The following STK32A variants were observed in gnomAD, a reference collection of about 807,000 sequenced individuals.
STK32A encodes the protein serine/threonine-protein kinase 32A.
STK32A carries 41 observed loss-of-function variants against 53.2 expected under a neutral mutation model. The observed-to-expected ratio is 0.77, with a 90% CI of 0.60 to 1.00. STK32A has a LOEUF of 1.00. STK32A is among the 50% of genes least tolerant of loss of function. The pLI is 0.00. For missense variants in STK32A, 458 were observed against 485.8 expected (o/e 0.94, Z 0.54); for synonymous variants, 166 against 162.8 (o/e 1.02, Z -0.15).
At chr5:147,277,447 G>A (rs1344775267) in intron 2 of STK32A, among the ~76,000 whole-genome samples, 3 of 152,082 alleles carry the variant, frequency 2.0e-5, no homozygotes, top group East Asian at 3.9e-4. Context: ...GTGGAGGATC[G>A]ACTCTACTTC....
At chr5:147,394,402 C>T in the STK32A span, among the ~76,000 whole-genome samples, 10 of 152,118 alleles carry the variant, frequency 6.6e-5, no homozygotes, top group East Asian at 1.9e-4. Flanking sequence ...ATGACAAAGA[C>T]GTGACACTCA....
intron 4 of STK32A, among the ~76,000 whole-genome samples, chr5:147,297,595 A>G (rs1752926276): frequency 6.6e-6 from 1 of 152,154 alleles, no homozygotes; most frequent in African/African-American, 2.4e-5. Flanking sequence ...CTGTTTAGCT[A>G]ATTTCCTGCA....
chr5:147,317,672 T>C (rs1441578171), intron 4 of STK32A, among the ~76,000 whole-genome samples: 1 of 152,106 alleles, frequency 6.6e-6, no homozygotes, highest in Non-Finnish European at 1.5e-5. Context: ...AAAAGAATAA[T>C]AGTTGGTCAA....
chr5:147,370,068 A>C (rs937149503), intron 8 of STK32A, among the ~76,000 whole-genome samples: 6 of 152,128 alleles, frequency 3.9e-5, no homozygotes, highest in Non-Finnish European at 8.8e-5. Context: ...TTCTTCCCCC[A>C]AAATTTTTTT....
intron 2 of STK32A, among the ~76,000 whole-genome samples, chr5:147,257,146 A>T (rs1298452943): frequency 6.6e-6 from 1 of 150,982 alleles, no homozygotes; most frequent in Admixed American, 6.6e-5. Flanking sequence ...AAATGAGTGT[A>T]TGGTTTTAGT....
At chr5:147,374,915 G>A (rs1437434451) in intron 10 of STK32A, among the ~76,000 whole-genome samples, 175 bp from the exon 11 acceptor site, 2 of 152,112 alleles carry the variant, frequency 1.3e-5, no homozygotes, top group Non-Finnish European at 2.9e-5. Flanking sequence ...AAAAATAAAC[G>A]AAGAATATGA....
intron 2 of STK32A, among the ~76,000 whole-genome samples, chr5:147,251,572 A>C (rs1339573323): frequency 6.6e-6 from 1 of 152,240 alleles, no homozygotes; most frequent in Admixed American, 6.5e-5. Flanking sequence ...ATGGCCAACC[A>C]GAATGCATAT....
At chr5:147,259,828 T>C (rs986830714) in intron 2 of STK32A, among the ~76,000 whole-genome samples, 2 of 129,424 alleles carry the variant, frequency 1.5e-5, no homozygotes, top group Admixed American at 1.6e-4. Flanking sequence ...CTCTCTCTTG[T>C]TTCTCTCTCC....
At chr5:147,360,615 G>T (rs1332087355) in intron 7 of STK32A, among the ~76,000 whole-genome samples, 1 of 152,188 alleles carries the variant, frequency 6.6e-6, no homozygotes, top group African/African-American at 2.4e-5. Flanking sequence ...AACCCAGAGA[G>T]CACAGCTCCA....
At chr5:147,246,021 A>T (rs966204165) in intron 2 of STK32A, among the ~76,000 whole-genome samples, 1 of 152,190 alleles carries the variant, frequency 6.6e-6, no homozygotes, top group Non-Finnish European at 1.5e-5. Flanking sequence ...TTGACTGTCT[A>T]TCATGGTCTA....
chr5:147,314,050 T>A (rs564665436), intron 4 of STK32A, among the ~76,000 whole-genome samples: 37 of 147,352 alleles, frequency 2.5e-4, no homozygotes, highest in Admixed American at 2.7e-4. Flanking sequence ...GAACAAGTAC[T>A]AAAAAAAAAA....
At chr5:147,315,613 T>G (rs1194645188) in intron 4 of STK32A, among the ~76,000 whole-genome samples, 1 of 152,216 alleles carries the variant, frequency 6.6e-6, no homozygotes, top group African/African-American at 2.4e-5. Flanking sequence ...ATAGAGTTTC[T>G]GTTAGCAATG....
chr5:147,320,067 A>G (rs1400816305), intron 4 of STK32A, among the ~76,000 whole-genome samples: 2 of 152,210 alleles, frequency 1.3e-5, no homozygotes, highest in Non-Finnish European at 2.9e-5. Flanking sequence ...ACCTTATGTT[A>G]ATAGCATTTA....
intron 4 of STK32A, among the ~76,000 whole-genome samples, chr5:147,313,229 C>A (rs763773649): frequency 6.6e-6 from 1 of 151,890 alleles, no homozygotes; most frequent in East Asian, 1.9e-4. Flanking sequence ...AGAGAGACTC[C>A]GTCTTAAAAA....
intron 4 of STK32A, among the ~76,000 whole-genome samples, chr5:147,307,602 G>A (rs1468850187): frequency 6.8e-6 from 1 of 147,592 alleles, no homozygotes; most frequent in Non-Finnish European, 1.5e-5. Context: ...TCCAGGTTGG[G>A]CGACAGATCC....
chr5:147,270,263 G>T (rs1196199871), intron 2 of STK32A, among the ~76,000 whole-genome samples: 1 of 152,088 alleles, frequency 6.6e-6, no homozygotes, highest in Admixed American at 6.6e-5. Context: ...GGGGTGCAGT[G>T]GTGCGATCAC....
chr5:147,356,647 T>G lies in STK32A; in HGVS notation c.563-4870T>G, dbSNP rs76419945. Among the ~76,000 whole-genome samples, 243 of 152,264 alleles carry G rather than the reference T, an allele frequency of 1.6e-3. 2 individuals are homozygous for G. The highest frequency in any genetic ancestry group is 5.5e-3 in the African/African-American group (227 of 41,560). On this transcript the variant is annotated intron_variant, in intron 7 of 12. Transcript: ENST00000397936. ...GTTGAATGTTAGGTTGTTTCTCATT[T>G]TGAAATACAGATAGAGCATCCCAAA...
At chr5:147,388,597 C>T (rs938015874), downstream of STK32A, among the ~76,000 whole-genome samples, 13 of 152,292 alleles carry the variant, frequency 8.5e-5, no homozygotes, top group East Asian at 1.9e-3. Context: ...CCTCAGGTTA[C>T]TTTGGCCTTT....
intron 2 of STK32A, among the ~76,000 whole-genome samples, chr5:147,244,166 T>C (rs1026451031): frequency 6.6e-6 from 1 of 152,226 alleles, no homozygotes; most frequent in Non-Finnish European, 1.5e-5. Flanking sequence ...GTTTATTTCA[T>C]TTAGCATATA....
Sources: gnomAD v4.1 joint callset for allele counts (sites outside exome capture counted in the v4.1 genomes callset) on GRCh38, gnomAD v4.1.1 for gene constraint, MANE v1.5 for transcripts, NCBI Gene and HGNC (gene_info 2026-07-23, HGNC 2026-07-21) for gene names.